The following PLCH1 variants were observed in gnomAD, a reference collection of about 807,000 sequenced individuals.
The protein encoded by PLCH1 is phospholipase C eta 1, also known as 1-phosphatidylinositol 4,5-bisphosphate phosphodiesterase eta-1.
PLCH1 carries 60 observed loss-of-function variants against 126.7 expected under a neutral mutation model. That is an observed-to-expected ratio of 0.47 (90% CI 0.38 to 0.59). PLCH1 has a LOEUF of 0.59. Among genes scored for constraint, PLCH1 ranks in the 20% least tolerant of loss-of-function variants. The pLI, the probability that PLCH1 is intolerant of heterozygous loss-of-function variation, is 0.00. For missense variants in PLCH1, 1,723 were observed against 2,040.0 expected, an observed-to-expected ratio of 0.84 and a Z score of 2.99; for synonymous variants, 719 against 734.9, an observed-to-expected ratio of 0.98 and a Z score of 0.35.
chr3:155,599,669 T>C (rs564188290), intron 2 of PLCH1, among the ~76,000 whole-genome samples: 4 of 152,120 alleles, frequency 2.6e-5, no homozygotes, highest in Non-Finnish European at 4.4e-5. Flanking sequence ...GTTAACTATA[T>C]TATCAGAGAT....
chr3:155,653,114 T>C (rs1740896556), intron 2 of PLCH1, among the ~76,000 whole-genome samples: 1 of 146,178 alleles, frequency 6.8e-6, no homozygotes, highest in African/African-American at 2.5e-5. Context: ...CAGATATAGA[T>C]GTAGATAGAT....
intron 11 of PLCH1, among the ~76,000 whole-genome samples, chr3:155,517,734 T>C (rs974020429): frequency 3.3e-5 from 5 of 152,188 alleles, no homozygotes; most frequent in African/African-American, 1.2e-4. Context: ...CATACATAAG[T>C]ACCACGGATT....
intron 6 of PLCH1, among the ~76,000 whole-genome samples, chr3:155,569,369 AGT>A (rs1201670482): frequency 6.6e-6 from 1 of 152,186 alleles, no homozygotes; most frequent in Non-Finnish European, 1.5e-5. Flanking sequence ...AATAAAATCT[AGT>A]TTTTCTAAAC....
At chr3:155,579,665 G>A (rs1299301044) in intron 6 of PLCH1, among the ~76,000 whole-genome samples, 1 of 152,150 alleles carries the variant, frequency 6.6e-6, no homozygotes, top group Non-Finnish European at 1.5e-5. Context: ...TTTAACTTTG[G>A]GAGTTTGAAA....
At chr3:155,572,849 C>A (rs1729405607) in intron 6 of PLCH1, among the ~76,000 whole-genome samples, 1 of 152,106 alleles carries the variant, frequency 6.6e-6, no homozygotes, top group Non-Finnish European at 1.5e-5. Context: ...CCTCAGCATC[C>A]CATGTAGTGG....
intron 4 of PLCH1, among the ~76,000 whole-genome samples, chr3:155,586,561 G>C (rs1731404491): frequency 6.6e-6 from 1 of 152,078 alleles, no homozygotes; most frequent in Non-Finnish European, 1.5e-5. Flanking sequence ...ACAAAAATTA[G>C]CTAGGCATGG....
At chr3:155,712,926 CT>C (rs1164323720) in intron 1 of PLCH1, among the ~76,000 whole-genome samples, 1 of 151,012 alleles carries the variant, frequency 6.6e-6, no homozygotes, top group African/African-American at 2.4e-5. Context: ...CTTTACATTC[CT>C]TATTAATAAT....
chr3:155,665,931 T>C (rs1302991831), intron 2 of PLCH1, among the ~76,000 whole-genome samples: 1 of 152,208 alleles, frequency 6.6e-6, no homozygotes, highest in Non-Finnish European at 1.5e-5. Flanking sequence ...AATGGAAATG[T>C]AAGATAATAT....
chr3:155,696,756 A>G (rs139639710), intron 2 of PLCH1, among the ~76,000 whole-genome samples: 1,575 of 152,304 alleles, frequency 0.01, 19 homozygotes, highest in Non-Finnish European at 0.014. Flanking sequence ...CCAATTGCCA[A>G]TTAGAAAATT....
Position 155,649,706 on chromosome 3 carries a change from C to T in PLCH1, c.80-53328G>A, listed in dbSNP as rs142974011. 2.8e-3 allele frequency among the ~76,000 whole-genome samples: 423 copies of T among 152,234 alleles called. 2 individuals are homozygous for T. Among genetic ancestry groups the T allele is most frequent in the African/African-American group, 9.6e-3 (399 of 41,532 alleles). ...AAGAAGTAGAATTAATGGCCGGGCG[C>T]GGTGGCTCACACCTGTAATCCCAGC... On this transcript the variant is annotated intron_variant, in intron 2 of 22. Transcript: ENST00000460012.
chr3:155,714,364 T>G (rs73873405), intron 1 of PLCH1, among the ~76,000 whole-genome samples: 14,589 of 152,106 alleles, frequency 0.096, 892 homozygotes, highest in Middle Eastern at 0.14. Flanking sequence ...GAAGCCTGGG[T>G]CAGGTCCAGA....
intron 1 of PLCH1, among the ~76,000 whole-genome samples, chr3:155,732,957 A>C (rs1748883782): frequency 6.6e-6 from 1 of 151,976 alleles, no homozygotes; most frequent in Non-Finnish European, 1.5e-5. Context: ...TCAAGAAAAT[A>C]ATCCCATTTA....
intron 2 of PLCH1, among the ~76,000 whole-genome samples, chr3:155,624,448 G>A (rs554245131): frequency 2.1e-3 from 323 of 152,274 alleles, no homozygotes; most frequent in African/African-American, 7.3e-3. Flanking sequence ...TAGGAAAAGA[G>A]GGAGTCAAAT....
chr3:155,670,789 A>G (rs1474947426), intron 2 of PLCH1, among the ~76,000 whole-genome samples: 2 of 152,200 alleles, frequency 1.3e-5, no homozygotes, highest in Non-Finnish European at 2.9e-5. Flanking sequence ...GATCCAGCAC[A>G]AACTCCTCAG....
intron 1 of PLCH1, among the ~76,000 whole-genome samples, chr3:155,724,436 T>C (rs1320744851): frequency 6.6e-6 from 1 of 152,214 alleles, no homozygotes; most frequent in African/African-American, 2.4e-5. Context: ...GTCAGGTGCA[T>C]ATATATTTAG....
chr3:155,568,010 G>A (rs1728735752), intron 7 of PLCH1, among the ~76,000 whole-genome samples: 1 of 152,204 alleles, frequency 6.6e-6, no homozygotes, highest in Admixed American at 6.5e-5. Context: ...AGACTTGCTT[G>A]AAGTGGAAAA....
rs1728177139 is a variant in PLCH1, at chr3:155,565,208, A to T, written c.866-90T>A. The T allele has an allele frequency of 3.9e-6, 3 of 764,802 alleles. No individual in the cohort carries two copies. In the East Asian group the frequency reaches 7.9e-5, roughly 20 times the overall value. The allele number at this position is 764,802 out of a possible 1,614,324, so 47.4% of individuals were successfully genotyped here. A position where few individuals can be genotyped will look rare whatever the true frequency, so the allele number is the denominator to read the frequency against. On this transcript the variant is annotated intron_variant, in intron 7 of 22. Coordinates refer to ENST00000460012, the MANE Select transcript of PLCH1 (RefSeq NM_014996.4). The stretch of plus-strand genomic sequence containing the variant: ...GGGCAAAAGGGGTCAAAAAATGTTC[A>T]TAATGATTATCTTATTTACCCTCAG...
intron 3 of PLCH1, among the ~76,000 whole-genome samples, chr3:155,595,022 G>A (rs1287172405): frequency 1.3e-5 from 2 of 152,212 alleles, no homozygotes; most frequent in Non-Finnish European, 2.9e-5. Flanking sequence ...AGCAGAGCTT[G>A]GAGAAGTGGA....
chr3:155,737,546 A>G (rs1392465091), intron 1 of PLCH1, among the ~76,000 whole-genome samples: 1 of 152,090 alleles, frequency 6.6e-6, no homozygotes, highest in Non-Finnish European at 1.5e-5. Flanking sequence ...TCCCCCTCAA[A>G]TATAAATTAA....
Sources: allele counts gnomAD v4.1 joint callset (sites outside exome capture counted in the v4.1 genomes callset), GRCh38; gene constraint gnomAD v4.1.1; transcripts MANE v1.5; gene names NCBI Gene and HGNC (gene_info 2026-07-23, HGNC 2026-07-21).